Variants in DNTT observed in about 807,000 individuals in gnomAD.
DNTT encodes DNA nucleotidylexotransferase.
In DNTT, 47 loss-of-function variants were observed where a neutral mutation model predicts 60.9. The ratio of observed to expected loss-of-function variants is 0.77; its 90% CI spans 0.61 to 0.98. The LOEUF (loss-of-function observed/expected upper bound fraction) is 0.98, where lower values mean the gene tolerates loss of function less well. Ranked by LOEUF, DNTT falls within the 50% of genes least tolerant of loss-of-function variation. The probability of loss-of-function intolerance (pLI) is 0.00; values close to 1 mark genes in which losing one functional copy is unlikely to be tolerated. For missense variants in DNTT, 665 were observed against 627.5 expected (o/e 1.06, Z -0.64); for synonymous variants, 224 against 221.2 (o/e 1.01, Z -0.11).
Position 96,332,358 on chromosome 10 carries a change from T to G in DNTT, c.1121T>G (p.Leu374Arg), listed in dbSNP as rs368601740. Reference protein sequence around the residue: ...VMNLWEKKGLLLYYDLVESTF... With the variant: ...VMNLWEKKGLRLYYDLVESTF... Reference sequence around the variant, plus strand: ...CATTCTGTTTCTTTTCAGGGATTACTTTTATATTATGACCTTGTGGAGTCA... The same window carrying G: ...CATTCTGTTTCTTTTCAGGGATTACGTTTATATTATGACCTTGTGGAGTCA... Residue 374 changes from leucine to arginine, a missense_variant, in exon 9 of 11, where the codon CTT becomes CGT. Transcript: ENST00000371174. 1.5e-5 allele frequency: 24 copies of G among 1,613,720 alleles called. No homozygotes were observed. Among genetic ancestry groups the G allele is most frequent in the Non-Finnish European group, 1.9e-5 (23 of 1,179,724 alleles).
chr10:96,309,941 C>T (rs1844690047), intron 1 of DNTT, among the ~76,000 whole-genome samples: 1 of 152,226 alleles, frequency 6.6e-6, no homozygotes, highest in African/African-American at 2.4e-5. Context: ...TTCTAACCAT[C>T]CAGAACTGTC....
intron 1 of DNTT, among the ~76,000 whole-genome samples, chr10:96,310,661 T>A (rs146727081): frequency 1.2e-4 from 18 of 152,272 alleles, no homozygotes; most frequent in African/African-American, 4.1e-4. Flanking sequence ...AGGCTCTTAA[T>A]CTCATCCAAT....
chr10:96,320,674 T>C lies in DNTT; in HGVS notation c.564T>C (p.Cys188=). The part of the protein sequence containing the change: ...NCEFRENEDS[C]VTFMRAASVL... ...AGTTTAGAGAAAATGAAGACTCCTG[T>C]GTGACATTTATGAGAGCAGCTTCTG... Residue 188 remains cysteine (C), a synonymous_variant, in exon 4 of 11, where the codon TGT becomes TGC. Transcript: ENST00000371174. 1.2e-6 allele frequency: 2 copies of C among 1,613,928 alleles called. No homozygotes were observed. The highest frequency in any genetic ancestry group is 1.7e-6 in the Non-Finnish European group (2 of 1,179,834).
Position 96,335,945 on chromosome 10 carries a change from G to A in DNTT, c.1414G>A (p.Asp472Asn), listed in dbSNP as rs1194887523. The A allele has an allele frequency of 2.7e-5, 43 of 1,614,078 alleles. No individual in the cohort carries two copies. The highest frequency in any genetic ancestry group is 3.3e-5 in the Non-Finnish European group (39 of 1,180,034). ...CACACATGAGCGGAAGATGATTCTG[G>A]ATAACCATGCTTTATATGACAAGAC... ...YATHERKMILDNHALYDKTKR... is the reference protein window; with the variant it reads ...YATHERKMILNNHALYDKTKR... Residue 472 changes from aspartate (D) to asparagine (N), a missense_variant, in exon 10 of 11, where the codon GAT becomes AAT. Asp to Asn is a conservative substitution (Grantham distance 23). Coordinates refer to ENST00000371174, the MANE Select transcript of DNTT (RefSeq NM_004088.4).
At chr10:96,325,764 A>G (rs1231089470) in intron 6 of DNTT, among the ~76,000 whole-genome samples, 2 of 152,254 alleles carry the variant, frequency 1.3e-5, no homozygotes. Context: ...CAGCACTACA[A>G]TGAATGGAAT....
In DNTT at chr10:96,331,317, C is replaced by T. The variant is rs1845003809; in HGVS notation, c.1114-1034C>T. On this transcript the variant is annotated intron_variant, in intron 8 of 10. Coordinates refer to ENST00000371174, the MANE Select transcript of DNTT (RefSeq NM_004088.4). ...AGGGACACTGTCTTTGTCCATTTAC[C>T]TTGCTATAAAGGAACACCTGAGGCT... Among the ~76,000 whole-genome samples, 3 of 152,178 alleles carry T rather than the reference C, an allele frequency of 2.0e-5. No individual in the cohort carries two copies. The South Asian group carries it at 6.2e-4, about 32-fold the overall frequency.
chr10:96,320,936 CTGTCTCT>C, intron 4 of DNTT, 148 bp downstream of exon 4: 1 of 557,900 alleles, frequency 1.8e-6, no homozygotes, highest in East Asian at 3.5e-5. Context: ...TCTCTCTCCT[CTGTCTCT>C]CTCTCTCTCT....
At chr10:96,319,557 C>T (rs550077869) in intron 3 of DNTT, among the ~76,000 whole-genome samples, 167 bp downstream of exon 3, 2 of 152,156 alleles carry the variant, frequency 1.3e-5, no homozygotes, top group Non-Finnish European at 2.9e-5. Flanking sequence ...TTCTTTCTAT[C>T]GAGACTGGGT....
At chr10:96,328,478 AT>A (rs541374842) in intron 7 of DNTT, among the ~76,000 whole-genome samples, 1 of 152,008 alleles carries the variant, frequency 6.6e-6, no homozygotes, top group Admixed American at 6.6e-5. Context: ...AGAATAAATA[AT>A]TTTTTTGTTA....
intron 5 of DNTT, among the ~76,000 whole-genome samples, chr10:96,323,040 C>A (rs1464237912): frequency 3.9e-5 from 6 of 152,216 alleles, no homozygotes; most frequent in Non-Finnish European, 8.8e-5. Flanking sequence ...GGCACCATAG[C>A]TCATGCCTGT....
chr10:96,338,116 A>G (rs1028078065), intron 10 of DNTT, 22 bp from the exon 11 acceptor site: 2 of 1,602,212 alleles, frequency 1.2e-6, no homozygotes, highest in East Asian at 2.2e-5. Flanking sequence ...CTGAATGCAC[A>G]TATTTCTTGT....
chr10:96,316,293 T>C (rs2133986369), intron 1 of DNTT, among the ~76,000 whole-genome samples: 1 of 152,372 alleles, frequency 6.6e-6, no homozygotes, highest in Admixed American at 6.5e-5. Flanking sequence ...ATTTCTCCTC[T>C]GCTTTTCTGT....
At position 96,327,583 on chromosome 10, in the gene DNTT, GA is replaced by G. The variant is rs1242848970; in HGVS notation, c.991del (p.Thr331GlnfsTer14). The G allele has an allele frequency of 2.5e-6, 4 of 1,613,790 alleles. No homozygotes were observed. Among genetic ancestry groups the G allele is most frequent in the Non-Finnish European group, 2.5e-6 (3 of 1,179,900 alleles). On this transcript the variant is annotated frameshift_variant, in exon 7 of 11. Transcript: ENST00000371174. LOFTEE classifies it high-confidence loss of function. The part of the protein sequence containing the change: ...AFLPDAFVTM[T>X]GGFRRGKKMG... ...TTCTTCCGGATGCTTTCGTCACCAT[GA>G]CAGGAGGGTTCCGGAGGTAAATAAC...
At chr10:96,336,327 C>A (rs916368794) in intron 10 of DNTT, among the ~76,000 whole-genome samples, 4 of 152,106 alleles carry the variant, frequency 2.6e-5, no homozygotes, top group African/African-American at 9.7e-5. Flanking sequence ...ACTTGTGTAC[C>A]CCTCAAATGC....
chr10:96,320,260 A>C (rs1310199903), intron 3 of DNTT, among the ~76,000 whole-genome samples: 3 of 152,252 alleles, frequency 2.0e-5, no homozygotes, highest in African/African-American at 7.2e-5. Context: ...TCAGTGATCA[A>C]GGCAGAATTC....
At position 96,336,939 on chromosome 10, in the gene DNTT, G is replaced by GAAAA. The variant is rs1223826665; in HGVS notation, c.1443+965_1443+966insAAAA. Among the ~76,000 whole-genome samples the GAAAA allele has an allele frequency of 1.0e-4, 7 of 68,278 alleles. No individual in the cohort carries two copies. In the South Asian group the frequency reaches 1.6e-3, roughly 15 times the overall value. The allele number at this position is 68,278 out of a possible 152,430, so 44.8% of individuals were successfully genotyped here. A position where few individuals can be genotyped will look rare whatever the true frequency, so the allele number is the denominator to read the frequency against. On this transcript the variant is annotated intron_variant, in intron 10 of 10. Transcript: ENST00000371174. ...GGCAACAGAGTGAGACTCTGTGTCA[G>GAAAA]GAAAAAAAAAAAAAAAAAAGTAATG...
In DNTT at chr10:96,338,275, T is replaced by A; in HGVS notation, c.*51T>A. ...TATTCTTTTCAAGTTAAATAAATTATGCTTCATATTAGTAAAAGATGCCAT... is the reference window on the plus strand; with the variant it reads ...TATTCTTTTCAAGTTAAATAAATTAAGCTTCATATTAGTAAAAGATGCCAT... On this transcript the variant is annotated 3_prime_UTR_variant, in exon 11 of 11. Coordinates refer to ENST00000371174, the MANE Select transcript of DNTT (RefSeq NM_004088.4). 6.5e-7 allele frequency: 1 copy of A among 1,536,574 alleles called. No homozygotes were observed. The highest frequency in any genetic ancestry group is 8.9e-7 in the Non-Finnish European group (1 of 1,122,910).
chr10:96,334,968 C>A (rs1349050525), intron 9 of DNTT, among the ~76,000 whole-genome samples: 1 of 152,192 alleles, frequency 6.6e-6, no homozygotes, highest in African/African-American at 2.4e-5. Flanking sequence ...ACTGGCAGAG[C>A]ACTAAGCTCT....
At chr10:96,326,767 C>T (rs372095265) in intron 6 of DNTT, among the ~76,000 whole-genome samples, 44 of 152,272 alleles carry the variant, frequency 2.9e-4, no homozygotes, top group African/African-American at 8.4e-4. Context: ...AGGAGAGCAG[C>T]GATGCTGAAG....
Sources: gnomAD v4.1 joint callset for allele counts (sites outside exome capture counted in the v4.1 genomes callset) on GRCh38, gnomAD v4.1.1 for gene constraint, MANE v1.5 for transcripts, NCBI Gene and HGNC (gene_info 2026-07-23, HGNC 2026-07-21) for gene names.